Variants in SHISA6 observed in about 807,000 individuals in gnomAD.
SHISA6 encodes protein shisa-6.
Under a neutral mutation model 47.9 loss-of-function variants are expected in SHISA6, and 22 were observed. The ratio of observed to expected loss-of-function variants is 0.46; its 90% CI spans 0.33 to 0.66. The LOEUF (loss-of-function observed/expected upper bound fraction) is 0.66. Ranked by LOEUF, SHISA6 falls within the 30% of genes least tolerant of loss-of-function variation. The probability of loss-of-function intolerance (pLI) is 0.02; values close to 1 mark genes in which losing one functional copy is unlikely to be tolerated. For synonymous variants in SHISA6, 388 were observed against 337.8 expected (o/e 1.15, Z -1.63); for missense variants, 680 against 764.6 (o/e 0.89, Z 1.30).
chr17:11,445,898 G>A (rs947411742), intron 3 of SHISA6, among the ~76,000 whole-genome samples: 1 of 152,160 alleles, frequency 6.6e-6, no homozygotes, highest in Non-Finnish European at 1.5e-5. Flanking sequence ...TGCAATCTTG[G>A]CTCACTGCAA....
At chr17:11,509,160 G>C in intron 3 of SHISA6, among the ~76,000 whole-genome samples, 1 of 152,260 alleles carries the variant, frequency 6.6e-6, no homozygotes, top group East Asian at 1.9e-4. Context: ...AAGAAGTGTC[G>C]GAAGGCCCAA....
intron 3 of SHISA6, among the ~76,000 whole-genome samples, chr17:11,456,193 A>G (rs1416596846): frequency 6.6e-6 from 1 of 152,098 alleles, no homozygotes; most frequent in African/African-American, 2.4e-5. Context: ...GACCGGAGGG[A>G]GGGAGGAGGA....
chr17:11,462,549 A>G (rs1415080002), intron 3 of SHISA6, among the ~76,000 whole-genome samples: 3 of 152,180 alleles, frequency 2.0e-5, no homozygotes, highest in Non-Finnish European at 2.9e-5. Flanking sequence ...GCAACCCTCA[A>G]TAAGAGCTTC....
intron 3 of SHISA6, among the ~76,000 whole-genome samples, chr17:11,437,054 G>C (rs1376043898): frequency 6.6e-6 from 1 of 152,212 alleles, no homozygotes; most frequent in African/African-American, 2.4e-5. Flanking sequence ...GGTGCAGAAA[G>C]CTTATTCCAA....
At position 11,433,520 on chromosome 17, in the gene SHISA6, G is replaced by A. The variant is rs923125804; in HGVS notation, c.895+54011G>A. ...GGTTTGGTTCCAAGTCTTTGCTATT[G>A]TGAACAGTGCCATAATAAACATACA... On this transcript the variant is annotated intron_variant, in intron 3 of 5. Coordinates refer to ENST00000441885, the MANE Select transcript of SHISA6 (RefSeq NM_207386.4). Among the ~76,000 whole-genome samples, 3 of 152,166 alleles carry A rather than the reference G, an allele frequency of 2.0e-5. No homozygotes were observed. In the Middle Eastern group the frequency reaches 0.01, roughly 518 times the overall value.
At chr17:11,424,141 A>G (rs1167749862) in intron 3 of SHISA6, among the ~76,000 whole-genome samples, 1 of 152,218 alleles carries the variant, frequency 6.6e-6, no homozygotes, top group Non-Finnish European at 1.5e-5. Flanking sequence ...TAAATAGATG[A>G]TGGTAGAGTA....
intron 3 of SHISA6, among the ~76,000 whole-genome samples, chr17:11,528,202 A>G (rs1241608471): frequency 6.6e-6 from 1 of 152,230 alleles, no homozygotes; most frequent in East Asian, 1.9e-4. Context: ...CTAATTACAA[A>G]TAAATTTTAT....
intron 2 of SHISA6, among the ~76,000 whole-genome samples, chr17:11,360,298 G>A (rs565280255): frequency 6.6e-6 from 1 of 152,284 alleles, no homozygotes; most frequent in Non-Finnish European, 1.5e-5. Flanking sequence ...GGTGGCTCAC[G>A]CCTGTAATCC....
intron 2 of SHISA6, among the ~76,000 whole-genome samples, chr17:11,376,943 CA>C (rs1369168783): frequency 1.3e-5 from 2 of 152,192 alleles, no homozygotes; most frequent in Non-Finnish European, 2.9e-5. Flanking sequence ...CTTTGAGAAC[CA>C]CAGTTCAAAT....
chr17:11,414,076 CT>C (rs1914212419), intron 3 of SHISA6, among the ~76,000 whole-genome samples: 1 of 151,522 alleles, frequency 6.6e-6, no homozygotes, highest in African/African-American at 2.4e-5. Flanking sequence ...CTCCCCTCTT[CT>C]TCCTCCTCTC....
chr17:11,301,067 G>A (rs1468183498), intron 2 of SHISA6, among the ~76,000 whole-genome samples: 1 of 152,132 alleles, frequency 6.6e-6, no homozygotes, highest in Non-Finnish European at 1.5e-5. Flanking sequence ...CAGCTGCGTG[G>A]AGTCCCGTGC....
At position 11,519,562 on chromosome 17, in the gene SHISA6, C is replaced by A. The variant is rs150337249; in HGVS notation, c.896-32334C>A. On this transcript the variant is annotated intron_variant, in intron 3 of 5. Coordinates refer to ENST00000441885, the MANE Select transcript of SHISA6 (RefSeq NM_207386.4). ...AGGGAAGGTGAAAAAGTTCTGGAGA[C>A]GGAGGGTGGTAATAGTAGGACAACT... Among the ~76,000 whole-genome samples, 374 of 151,478 alleles carry A rather than the reference C, an allele frequency of 2.5e-3. 1 individual carries two copies. The highest frequency in any genetic ancestry group is 8.6e-3 in the African/African-American group (357 of 41,432).
rs150352721 is a variant in SHISA6 at position 11,351,826 on chromosome 17, G to T, written c.800-27588G>T. Among the ~76,000 whole-genome samples the T allele has an allele frequency of 2.6e-4, 40 of 152,300 alleles. 1 individual carries two copies. In the East Asian group the frequency reaches 7.7e-3, roughly 29 times the overall value. On this transcript the variant is annotated intron_variant, in intron 2 of 5. Coordinates refer to ENST00000441885, the MANE Select transcript of SHISA6 (RefSeq NM_207386.4). ...GGGGATGAAAGAGGTGTGTTCTGTG[G>T]TTACAGAACAAAGCCATACTGCAAC...
intron 2 of SHISA6, among the ~76,000 whole-genome samples, chr17:11,330,494 GAGAGA>G (rs1297289654): frequency 1.2e-5 from 1 of 83,770 alleles, no homozygotes; most frequent in Non-Finnish European, 3.3e-5. Flanking sequence ...GCTAGGGAGA[GAGAGA>G]GAGAGAGAGA....
intron 3 of SHISA6, among the ~76,000 whole-genome samples, chr17:11,405,018 C>T (rs1913902683): frequency 6.6e-6 from 1 of 152,124 alleles, no homozygotes; most frequent in South Asian, 2.1e-4. Context: ...CTCTGTTCAA[C>T]TTTATCTGCA....
rs1354232098 is a variant in SHISA6, at chr17:11,450,993, A to AT, written c.895+71486dup. Among the ~76,000 whole-genome samples, 377 of 139,778 alleles carry AT rather than the reference A, an allele frequency of 2.7e-3. 3 individuals carry two copies. The highest frequency in any genetic ancestry group is 0.01 in the African/African-American group (358 of 34,546). 91.7% of individuals were successfully genotyped at this position (139,778 alleles called of 152,430 possible). A position where few individuals can be genotyped will look rare whatever the true frequency, so the allele number is the denominator to read the frequency against. Reference sequence around the variant, plus strand: ...ACCAGGACAGGAGGGAAAATAGAAAATTAAAAAAAAAAAAAAAAAACAGAT... The same window carrying AT: ...ACCAGGACAGGAGGGAAAATAGAAAATTTAAAAAAAAAAAAAAAAAACAGAT... On this transcript the variant is annotated intron_variant, in intron 3 of 5. Coordinates refer to ENST00000441885, the MANE Select transcript of SHISA6 (RefSeq NM_207386.4).
intron 2 of SHISA6, among the ~76,000 whole-genome samples, chr17:11,351,579 G>A (rs969526162): frequency 6.6e-6 from 1 of 152,112 alleles, no homozygotes; most frequent in African/African-American, 2.4e-5. Context: ...TCTTAATCAT[G>A]TATTCATTAC....
At chr17:11,399,507 C>T (rs111440903) in intron 3 of SHISA6, among the ~76,000 whole-genome samples, 4 of 152,094 alleles carry the variant, frequency 2.6e-5, no homozygotes, top group Non-Finnish European at 4.4e-5. Flanking sequence ...CTGCAACCTC[C>T]GCCTCCTGGG....
At chr17:11,370,176 T>C (rs1465659673) in intron 2 of SHISA6, among the ~76,000 whole-genome samples, 1 of 152,176 alleles carries the variant, frequency 6.6e-6, no homozygotes, top group African/African-American at 2.4e-5. Context: ...CATCAAGCAC[T>C]CCTCTCCCTC....
Sources: gnomAD v4.1 joint callset for allele counts (sites outside exome capture counted in the v4.1 genomes callset) on GRCh38, gnomAD v4.1.1 for gene constraint, MANE v1.5 for transcripts, NCBI Gene and HGNC (gene_info 2026-07-23, HGNC 2026-07-21) for gene names.